HSD17B3: variants seen among roughly 807,000 people sequenced by gnomAD.
HSD17B3 encodes the protein 17-beta-hydroxysteroid dehydrogenase type 3.
A neutral mutation model predicts 41.1 loss-of-function variants in HSD17B3; 29 were observed. The observed-to-expected ratio is 0.71, with a 90% CI of 0.53 to 0.96. The LOEUF (loss-of-function observed/expected upper bound fraction) is 0.96, where lower values mean the gene tolerates loss of function less well. HSD17B3 is among the 40% of genes least tolerant of loss of function. The probability of loss-of-function intolerance (pLI) is 0.00; values close to 1 mark genes in which losing one functional copy is unlikely to be tolerated. For synonymous variants in HSD17B3, 126 were observed against 145.6 expected (o/e 0.87, Z 0.97); for missense variants, 323 against 374.6 (o/e 0.86, Z 1.14).
intron 9 of HSD17B3, 72 bp from the exon 10 acceptor site, chr9:96,240,979 A>G (rs953891229): frequency 6.3e-7 from 1 of 1,575,246 alleles, no homozygotes; most frequent in Non-Finnish European, 8.7e-7. Flanking sequence ...ATTAACACTC[A>G]AGCCCCCATC....
chr9:96,269,352 C>T (rs888322234), intron 2 of HSD17B3, among the ~76,000 whole-genome samples: 2 of 152,136 alleles, frequency 1.3e-5, no homozygotes, highest in African/African-American at 4.8e-5. Flanking sequence ...AGCTGTGACC[C>T]AGTAATTCTG....
At chr9:96,273,896 T>G (rs1826354453) in intron 2 of HSD17B3, among the ~76,000 whole-genome samples, 1 of 152,086 alleles carries the variant, frequency 6.6e-6, no homozygotes, top group African/African-American at 2.4e-5. Context: ...GCCACCTCCC[T>G]CACACTCAAC....
intron 1 of HSD17B3, 99 bp from the exon 2 acceptor site, chr9:96,298,561 C>A: frequency 1.0e-6 from 1 of 975,356 alleles, no homozygotes; most frequent in South Asian, 1.3e-5. Flanking sequence ...CCAGGGCAGT[C>A]AGTACTCCAA....
intron 7 of HSD17B3, among the ~76,000 whole-genome samples, chr9:96,246,111 G>A (rs1227143284): frequency 6.6e-6 from 1 of 152,162 alleles, no homozygotes; most frequent in Non-Finnish European, 1.5e-5. Context: ...CTCCCAAATG[G>A]GCATTGGAAT....
At chr9:96,242,598 G>A (rs536544786) in intron 9 of HSD17B3, among the ~76,000 whole-genome samples, 2 of 152,192 alleles carry the variant, frequency 1.3e-5, no homozygotes, top group East Asian at 1.9e-4. Flanking sequence ...GTGTGTGTTC[G>A]GAGAGGCCAA....
At chr9:96,263,799 G>T (rs1039113043) in intron 2 of HSD17B3, among the ~76,000 whole-genome samples, 7 of 151,996 alleles carry the variant, frequency 4.6e-5, no homozygotes, top group Non-Finnish European at 8.8e-5. Context: ...TGAGGTGGGG[G>T]TTATTGCAAA....
At chr9:96,276,790 G>T (rs1302618115) in intron 2 of HSD17B3, among the ~76,000 whole-genome samples, 3 of 152,172 alleles carry the variant, frequency 2.0e-5, no homozygotes, top group Non-Finnish European at 4.4e-5. Flanking sequence ...AACCTCTAAA[G>T]CCATAAGATT....
chr9:96,299,030 C>T (rs1235718630), intron 1 of HSD17B3, among the ~76,000 whole-genome samples: 2 of 152,068 alleles, frequency 1.3e-5, no homozygotes, highest in African/African-American at 4.8e-5. Flanking sequence ...AATGAAGAAA[C>T]CTGAAGAATT....
In HSD17B3 at chr9:96,246,568, T is replaced by C. The variant is rs1351858019; in HGVS notation, c.512A>G (p.His171Arg). Residue 171 changes from histidine (H) to arginine (R), a missense_variant, in exon 7 of 11, where the codon CAT (histidine) becomes CGT (arginine). Coordinates refer to ENST00000375263, the MANE Select transcript of HSD17B3 (RefSeq NM_000197.2). ...VVKMTQLILK[H>R]MESRQKGLIL... ...AAGAAGGCCTTACCTTGATTCCATA[T>C]GTTTCAGAATTAGCTGTGTCATCTA... 1.2e-6 allele frequency: 2 copies of C among 1,614,064 alleles called. No homozygotes were observed. The highest frequency in any genetic ancestry group is 2.7e-5 in the African/African-American group (2 of 74,936).
At chr9:96,257,651 C>T (rs1186042137) in intron 2 of HSD17B3, among the ~76,000 whole-genome samples, 1 of 152,124 alleles carries the variant, frequency 6.6e-6, no homozygotes, top group Non-Finnish European at 1.5e-5. Context: ...TTCTATTGCT[C>T]CATGGTATTC....
chr9:96,253,037 A>G (rs896164260), intron 3 of HSD17B3, 127 bp from the exon 4 acceptor site: 2 of 733,254 alleles, frequency 2.7e-6, no homozygotes, highest in Non-Finnish European at 5.0e-6. Flanking sequence ...GCCCCAAATA[A>G]AAATGGGACA....
chr9:96,244,436 TC>T, intron 8 of HSD17B3, 42 bp from the exon 9 acceptor site: 1 of 1,603,878 alleles, frequency 6.2e-7, no homozygotes, highest in Non-Finnish European at 8.5e-7. Context: ...CAGAGTGAGC[TC>T]CCTCGTCAGA....
At chr9:96,250,245 A>T in intron 5 of HSD17B3, 1 of 1,116,126 alleles carries the variant, frequency 9.0e-7, no homozygotes, top group Non-Finnish European at 1.1e-6. Flanking sequence ...GGACAAGAGG[A>T]CGGACACAGA....
intron 2 of HSD17B3, among the ~76,000 whole-genome samples, chr9:96,294,632 G>A (rs1244337115): frequency 6.6e-6 from 1 of 152,228 alleles, no homozygotes; most frequent in Non-Finnish European, 1.5e-5. Context: ...GGAACTTAGA[G>A]GTAAGGTGAA....
chr9:96,235,571 C>CCA lies in HSD17B3; in HGVS notation c.823-2_823-1insTG. 1 of 1,612,994 alleles carries CCA rather than the reference C, an allele frequency of 6.2e-7. No homozygotes were observed. The highest frequency in any genetic ancestry group is 8.5e-7 in the Non-Finnish European group (1 of 1,179,218). On this transcript the variant is annotated splice_acceptor_variant, in intron 10 of 10. Coordinates refer to ENST00000375263, the MANE Select transcript of HSD17B3 (RefSeq NM_000197.2). LOFTEE classifies it high-confidence loss of function. ...CCGGGATCAGGCTCAGAAAGCCCGCCTTAAACAGAGAGAAGCATCAGTGTT... is the reference window on the plus strand; with the variant it reads ...CCGGGATCAGGCTCAGAAAGCCCGCCCATTAAACAGAGAGAAGCATCAGTGTT...
intron 9 of HSD17B3, among the ~76,000 whole-genome samples, chr9:96,242,819 G>A (rs995094286): frequency 2.6e-5 from 4 of 152,164 alleles, no homozygotes; most frequent in African/African-American, 9.7e-5. Flanking sequence ...TAGGAAGCAG[G>A]TGGCTGCGAT....
chr9:96,250,499 G>A, intron 5 of HSD17B3: 6 of 1,051,284 alleles, frequency 5.7e-6, no homozygotes, highest in South Asian at 9.1e-5. Flanking sequence ...CAGAAGTGGG[G>A]AATGGAAGCA....
intron 10 of HSD17B3, among the ~76,000 whole-genome samples, chr9:96,240,317 T>C (rs1251339006): frequency 6.6e-6 from 1 of 152,252 alleles, no homozygotes; most frequent in Admixed American, 6.5e-5. Context: ...TGTCCGTGGC[T>C]TAAACTCAGC....
intron 4 of HSD17B3, among the ~76,000 whole-genome samples, chr9:96,252,580 G>A (rs1174126491): frequency 3.3e-5 from 5 of 151,780 alleles, no homozygotes; most frequent in Non-Finnish European, 7.4e-5. Flanking sequence ...ATAGTTGGGG[G>A]TTGAAATATG....
Sources: gnomAD v4.1 joint callset for allele counts (sites outside exome capture counted in the v4.1 genomes callset) on GRCh38, gnomAD v4.1.1 for gene constraint, MANE v1.5 for transcripts, NCBI Gene and HGNC (gene_info 2026-07-23, HGNC 2026-07-21) for gene names.